FOXP2: variants seen among roughly 807,000 people sequenced by gnomAD.
FOXP2 encodes forkhead box protein P2.
Under a neutral mutation model 115.8 loss-of-function variants are expected in FOXP2, and 12 were observed. The observed-to-expected ratio is 0.10, with a 90% CI of 0.07 to 0.17. FOXP2 has a LOEUF of 0.17. Ranked by LOEUF, FOXP2 falls within the 10% of genes least tolerant of loss-of-function variation. The pLI is 1.00. For missense variants in FOXP2, 629 were observed against 843.5 expected (o/e 0.75, Z 3.15); for synonymous variants, 328 against 297.7 (o/e 1.10, Z -1.05).
At chr7:114,092,980 A>T (rs1036271005) in intron 1 of FOXP2, among the ~76,000 whole-genome samples, 8 of 152,150 alleles carry the variant, frequency 5.3e-5, no homozygotes, top group African/African-American at 1.9e-4. Flanking sequence ...TGTGGCAATA[A>T]CTACTTAGTT....
chr7:114,445,718 T>C (rs1794804315), intron 2 of FOXP2, among the ~76,000 whole-genome samples: 1 of 152,120 alleles, frequency 6.6e-6, no homozygotes, highest in Non-Finnish European at 1.5e-5. Context: ...AATTTAAGCT[T>C]TATTTTATAC....
intron 16 of FOXP2, chr7:114,665,047 G>A (rs1807089792): frequency 1.3e-5 from 2 of 152,432 alleles, no homozygotes; most frequent in African/African-American, 4.8e-5. Context: ...ATATTTAGCA[G>A]CTAACTATAT....
intron 1 of FOXP2, among the ~76,000 whole-genome samples, chr7:114,118,712 G>A (rs1340643599): frequency 6.6e-6 from 1 of 151,968 alleles, no homozygotes; most frequent in African/African-American, 2.4e-5. Flanking sequence ...GGATGCCAGC[G>A]ACCCCAAGAT....
intron 2 of FOXP2, among the ~76,000 whole-genome samples, chr7:114,508,964 T>C (rs1000005103): frequency 6.6e-6 from 1 of 152,096 alleles, no homozygotes; most frequent in African/African-American, 2.4e-5. Flanking sequence ...GCTTCTATTA[T>C]GAGGAACATT....
intron 13 of FOXP2, 30 bp from the exon 14 acceptor site, chr7:114,662,035 C>A: frequency 6.2e-7 from 1 of 1,610,946 alleles, no homozygotes; most frequent in Non-Finnish European, 8.5e-7. Context: ...ATTATTTTTG[C>A]CATTTTTTCT....
chr7:114,562,774 GT>G (rs5886714), intron 3 of FOXP2, among the ~76,000 whole-genome samples: 109,711 of 150,600 alleles, frequency 0.73, 40,623 homozygotes, highest in East Asian at 0.98. Flanking sequence ...TCTTAACCCT[GT>G]TTTTTTTTTC....
Position 114,690,129 on chromosome 7 carries a change from CTTT to C in FOXP2, c.*218_*220del, listed in dbSNP as rs398005924. 17,126 of 412,830 alleles carry C rather than the reference CTTT, an allele frequency of 0.041. 1 individual carries two copies. Among genetic ancestry groups the C allele is most frequent in the Non-Finnish European group, 0.053 (12,054 of 226,564 alleles). 25.6% of individuals were successfully genotyped at this position (412,830 alleles called of 1,614,324 possible). On this transcript the variant is annotated 3_prime_UTR_variant, in exon 17 of 17. Coordinates refer to ENST00000350908, the MANE Select transcript of FOXP2 (RefSeq NM_014491.4). ...TGCTTGTTTTCTTCTTCTTCTTCTTCTTTTTTTTTTTTTTTTTAGAAAAAAAGA... is the reference window on the plus strand; with the variant it reads ...TGCTTGTTTTCTTCTTCTTCTTCTTCTTTTTTTTTTTTTTAGAAAAAAAGA...
intron 3 of FOXP2, among the ~76,000 whole-genome samples, chr7:114,558,868 T>C (rs906918390): frequency 6.6e-6 from 1 of 152,196 alleles, no homozygotes; most frequent in African/African-American, 2.4e-5. Context: ...CCTACTTGAC[T>C]TTGCAGCTGA....
intron 16 of FOXP2, among the ~76,000 whole-genome samples, chr7:114,672,671 G>A (rs1218931814): frequency 6.6e-6 from 1 of 152,026 alleles, no homozygotes; most frequent in Non-Finnish European, 1.5e-5. Flanking sequence ...ACTCAACTCA[G>A]GAGAAAGCCA....
chr7:114,570,107 A>G (rs1801216326), intron 3 of FOXP2, among the ~76,000 whole-genome samples: 1 of 152,026 alleles, frequency 6.6e-6, no homozygotes, highest in Non-Finnish European at 1.5e-5. Flanking sequence ...GTAAAAAATG[A>G]CATTCCATGT....
At chr7:114,121,381 CTA>C (rs1256746275) in intron 1 of FOXP2, among the ~76,000 whole-genome samples, 4 of 152,034 alleles carry the variant, frequency 2.6e-5, no homozygotes, top group Non-Finnish European at 5.9e-5. Context: ...AGCCACCAGT[CTA>C]TGGTACTTTG....
At chr7:114,308,192 G>T (rs1480825193) in intron 2 of FOXP2, among the ~76,000 whole-genome samples, 2 of 152,100 alleles carry the variant, frequency 1.3e-5, no homozygotes, top group African/African-American at 4.8e-5. Flanking sequence ...GGGAATAGAA[G>T]AAGAACTTTT....
Position 114,400,621 on chromosome 7 carries a change from G to A in FOXP2, c.-10-25881G>A, listed in dbSNP as rs574583881. ...AGACAGGAGTCGGGTGGGGTCGGGG[G>A]GAATGGCTTCTGGATGAAACTGTTC... On this transcript the variant is annotated intron_variant, in intron 2 of 17. Coordinates refer to the FOXP2 transcript ENST00000634411. Among the ~76,000 whole-genome samples, 12 of 152,228 alleles carry A rather than the reference G, an allele frequency of 7.9e-5. No individual in the cohort carries two copies. In the East Asian group the frequency reaches 2.3e-3, roughly 29 times the overall value.
rs905380931 is a variant in FOXP2 at position 114,321,355 on chromosome 7, C to T, written c.-11+33246C>T. 1.1e-4 allele frequency among the ~76,000 whole-genome samples: 17 copies of T among 151,826 alleles called. 1 individual carries two copies. Among genetic ancestry groups the T allele is most frequent in the Admixed American group, 1.1e-3 (17 of 15,236 alleles). ...CTGGGACTACAAGTGCCCGCCACCACGCCCGGCTAATTTTTTGTATTTTTA... is the reference window on the plus strand; with the variant it reads ...CTGGGACTACAAGTGCCCGCCACCATGCCCGGCTAATTTTTTGTATTTTTA... On this transcript the variant is annotated intron_variant, in intron 2 of 17. Transcript: ENST00000634411.
At chr7:114,438,703 G>A (rs1432103640) in intron 2 of FOXP2, among the ~76,000 whole-genome samples, 1 of 151,868 alleles carries the variant, frequency 6.6e-6, no homozygotes, top group East Asian at 1.9e-4. Flanking sequence ...ACTGTGCACA[G>A]AAAAAAATAA....
Position 114,114,266 on chromosome 7 carries a change from TACAC to T in FOXP2, c.-247+26438_-247+26441del, listed in dbSNP as rs1035197135. Among the ~76,000 whole-genome samples the T allele has an allele frequency of 1.7e-4, 25 of 150,610 alleles. No homozygotes were observed. In the Middle Eastern group the frequency reaches 0.011, roughly 64 times the overall value. ...ACGCATATATACATATATGTGTATATACACACACACACATATATATAAATATATA... is the reference window on the plus strand; with the variant it reads ...ACGCATATATACATATATGTGTATATACACACACATATATATAAATATATA... On this transcript the variant is annotated intron_variant, in intron 1 of 19. Transcript: ENST00000635638.
intron 1 of FOXP2, among the ~76,000 whole-genome samples, chr7:114,417,654 T>A (rs558383104): frequency 6.6e-6 from 1 of 152,080 alleles, no homozygotes; most frequent in South Asian, 2.1e-4. Flanking sequence ...ACCAGCCCTT[T>A]GGGTTTTTAA....
At chr7:114,601,963 A>T (rs1004675034) in intron 3 of FOXP2, among the ~76,000 whole-genome samples, 1 of 152,096 alleles carries the variant, frequency 6.6e-6, no homozygotes, top group African/African-American at 2.4e-5. Flanking sequence ...GTAAAGATCT[A>T]TATATGCATA....
intron 1 of FOXP2, among the ~76,000 whole-genome samples, chr7:114,127,927 G>A (rs552548720): frequency 6.6e-6 from 1 of 152,260 alleles, no homozygotes; most frequent in South Asian, 2.1e-4. Context: ...ATAAAGAAAT[G>A]TGTAAGTAAA....
Sources: gnomAD v4.1 joint callset for allele counts (sites outside exome capture counted in the v4.1 genomes callset) on GRCh38, gnomAD v4.1.1 for gene constraint, MANE v1.5 for transcripts, NCBI Gene and HGNC (gene_info 2026-07-23, HGNC 2026-07-21) for gene names.